Variants in DCHS2 observed in about 807,000 individuals in gnomAD.
DCHS2 encodes the protein protocadherin-23.
A neutral mutation model predicts 182.4 loss-of-function variants in DCHS2; 142 were observed. The ratio of observed to expected loss-of-function variants is 0.78; its 90% CI spans 0.68 to 0.89. The LOEUF (loss-of-function observed/expected upper bound fraction) is 0.89, where lower values mean the gene tolerates loss of function less well. DCHS2 is among the 40% of genes least tolerant of loss of function. The probability of loss-of-function intolerance (pLI) is 0.00; values close to 1 mark genes in which losing one functional copy is unlikely to be tolerated. For missense variants in DCHS2, 4,319 were observed against 4,198.6 expected (o/e 1.03, Z -0.79); for synonymous variants, 1,740 against 1,663.3 (o/e 1.05, Z -1.12).
Position 154,298,419 on chromosome 4 carries a change from A to C in DCHS2, c.5895T>G (p.Asn1965Lys), listed in dbSNP as rs1363777644. Reference protein sequence around the residue: ...LSAVDKDEGLNGQTEYFLTDE... With the variant: ...LSAVDKDEGLKGQTEYFLTDE... ...CAGTCAGAAAATACTCAGTTTGCCC[A>C]TTCAGGCCTTCATCCTTGTCCACAG... The change falls in exon 13 of 20, where the codon AAT becomes AAG. Residue 1965 changes from asparagine to lysine, a missense_variant. Physicochemically the swap from Asn to Lys is moderately conservative, Grantham distance 94 (BLOSUM62 0). Coordinates refer to ENST00000357232, the MANE Select transcript of DCHS2 (RefSeq NM_001358235.2). 6.2e-7 allele frequency: 1 copy of C among 1,614,168 alleles called. No homozygotes were observed. The highest frequency in any genetic ancestry group is 2.2e-5 in the East Asian group (1 of 44,884).
In DCHS2 at chr4:154,383,265, C is replaced by T. The variant is rs1378267680; in HGVS notation, c.2053-5821G>A. Among the ~76,000 whole-genome samples, 3 of 152,220 alleles carry T rather than the reference C, an allele frequency of 2.0e-5. No individual in the cohort carries two copies. The East Asian group carries it at 5.8e-4, about 29-fold the overall frequency. On this transcript the variant is annotated intron_variant, in intron 1 of 19. Transcript: ENST00000357232. ...AAAACCAAATACTGCAGTTCTCACT[C>T]ATAAGTGGGAGTTATGGGTATAAAG...
At position 154,246,979 on chromosome 4, in the gene DCHS2, A is replaced by G. The variant is rs1288293706; in HGVS notation, c.6942-4207T>C. Among the ~76,000 whole-genome samples the G allele has an allele frequency of 3.9e-5, 6 of 152,306 alleles. No homozygotes were observed. In the East Asian group the frequency reaches 1.2e-3, roughly 29 times the overall value. On this transcript the variant is annotated intron_variant, in intron 16 of 19. Transcript: ENST00000357232. ...AAAACAACAAAACAAAACTAAAAAA[A>G]GGGGAGGAAATTTTCAATGAATTTT...
intron 13 of DCHS2, among the ~76,000 whole-genome samples, chr4:154,272,562 A>C (rs948659910): frequency 6.6e-6 from 1 of 152,032 alleles, no homozygotes; most frequent in South Asian, 2.1e-4. Flanking sequence ...TGGTTTTATA[A>C]GGCAGTTTTC....
intron 10 of DCHS2, among the ~76,000 whole-genome samples, chr4:154,307,147 T>C (rs1156363110): frequency 6.6e-6 from 1 of 152,194 alleles, no homozygotes; most frequent in African/African-American, 2.4e-5. Flanking sequence ...ATGGCTTATT[T>C]GGAATTTAAC....
At chr4:154,278,041 ACACAC>A (rs373540171) in intron 13 of DCHS2, among the ~76,000 whole-genome samples, 5 of 135,730 alleles carry the variant, frequency 3.7e-5, no homozygotes, top group African/African-American at 8.2e-5. Flanking sequence ...ACTCCATCAC[ACACAC>A]AAAAAAAAAG....
rs1731487111 is a variant in DCHS2 at position 154,236,168 on chromosome 4, G to T, written c.8484C>A (p.Asp2828Glu). The change falls in exon 20 of 20, where the codon GAC becomes GAA. Residue 2828 changes from aspartate to glutamate, a missense_variant. By Grantham distance (45) the Asp-to-Glu change is conservative. Transcript: ENST00000357232. Reference protein sequence around the residue: ...MSYDHDLFLIDPLTGDIHAKQ... With the variant: ...MSYDHDLFLIEPLTGDIHAKQ... ...TAGCATGAATATCCCCTGTCAAAGGGTCAATGAGGAAGAGATCATGATCAT... is the reference window on the plus strand; with the variant it reads ...TAGCATGAATATCCCCTGTCAAAGGTTCAATGAGGAAGAGATCATGATCAT... The T allele has an allele frequency of 5.0e-6, 8 of 1,613,806 alleles. No homozygotes were observed. The highest frequency in any genetic ancestry group is 6.8e-6 in the Non-Finnish European group (8 of 1,179,940).
rs371882687 is a variant in DCHS2, at chr4:154,424,624, C to T, written c.2053-47180G>A. Among the ~76,000 whole-genome samples, 12 of 152,284 alleles carry T rather than the reference C, an allele frequency of 7.9e-5. No homozygotes were observed. The East Asian group carries it at 2.3e-3, about 29-fold the overall frequency. On this transcript the variant is annotated intron_variant, in intron 1 of 19. Coordinates refer to ENST00000357232, the MANE Select transcript of DCHS2 (RefSeq NM_001358235.2). ...GATTTTAGAATAAACAGCACAAAGG[C>T]ACACTGTGAAGAAGTAAATGAACAC...
intron 1 of DCHS2, among the ~76,000 whole-genome samples, chr4:154,410,878 A>G (rs150256678): frequency 6.6e-6 from 1 of 152,328 alleles, no homozygotes; most frequent in African/African-American, 2.4e-5. Flanking sequence ...GCAGCAAGAG[A>G]AGTGTCAAGT....
chr4:154,345,038 C>T (rs915786586), intron 3 of DCHS2, among the ~76,000 whole-genome samples: 9 of 152,184 alleles, frequency 5.9e-5, no homozygotes, highest in Non-Finnish European at 1.0e-4. Context: ...CCCCTTCTCT[C>T]CTCCTCCTGT....
At chr4:154,415,879 A>G (rs1281382188) in intron 1 of DCHS2, among the ~76,000 whole-genome samples, 3 of 152,154 alleles carry the variant, frequency 2.0e-5, no homozygotes, top group African/African-American at 7.2e-5. Context: ...CACTTAAATA[A>G]GTTTTTTACC....
At chr4:154,464,218 C>T (rs1300282137) in intron 1 of DCHS2, among the ~76,000 whole-genome samples, 1 of 152,104 alleles carries the variant, frequency 6.6e-6, no homozygotes, top group African/African-American at 2.4e-5. Flanking sequence ...CATACTGAAA[C>T]ATATCACCAA....
intron 12 of DCHS2, among the ~76,000 whole-genome samples, chr4:154,299,201 T>A (rs189181002): frequency 6.6e-6 from 1 of 152,368 alleles, no homozygotes; most frequent in East Asian, 1.9e-4. Context: ...ATGCCTGTTA[T>A]ACTATTGCAG....
At chr4:154,484,441 C>T (rs780483070) in intron 1 of DCHS2, among the ~76,000 whole-genome samples, 32 of 152,312 alleles carry the variant, frequency 2.1e-4, no homozygotes, top group Admixed American at 3.9e-4. Flanking sequence ...TGCGCAAACA[C>T]TGATATCTCC....
intron 1 of DCHS2, among the ~76,000 whole-genome samples, chr4:154,404,846 T>A (rs1305896202): frequency 1.3e-5 from 2 of 152,258 alleles, no homozygotes; most frequent in African/African-American, 4.8e-5. Flanking sequence ...AGCTTTATCA[T>A]GCTTATTGTC....
chr4:154,362,519 G>C (rs1436221991), intron 3 of DCHS2, among the ~76,000 whole-genome samples: 2 of 152,294 alleles, frequency 1.3e-5, no homozygotes, highest in East Asian at 1.9e-4. Context: ...TCGGCCATAT[G>C]ATGGGAGCAA....
At chr4:154,408,959 T>C (rs893326523) in intron 1 of DCHS2, among the ~76,000 whole-genome samples, 1 of 152,124 alleles carries the variant, frequency 6.6e-6, no homozygotes, top group African/African-American at 2.4e-5. Flanking sequence ...AGATGATGCC[T>C]TGGATGCCCA....
In DCHS2 at chr4:154,491,505, A is replaced by G; in HGVS notation, c.-150T>C. On this transcript the variant is annotated 5_prime_UTR_variant, in exon 1 of 20. It removes the in-frame stop codon of an upstream open reading frame in the 5' UTR. Transcript: ENST00000357232. Reference sequence around the variant, plus strand: ...CGACGGCCCAGGAATTCCCGAGGTTACATCTGCAACTGGTGAAAGCGTCCT... The same window carrying G: ...CGACGGCCCAGGAATTCCCGAGGTTGCATCTGCAACTGGTGAAAGCGTCCT... 7.1e-7 allele frequency: 1 copy of G among 1,401,614 alleles called. No individual in the cohort carries two copies. The highest frequency in any genetic ancestry group is 9.2e-7 in the Non-Finnish European group (1 of 1,084,012). The allele number at this position is 1,401,614 out of a possible 1,614,324, so 86.8% of individuals were successfully genotyped here.
rs199973891 is a variant in DCHS2 at position 154,320,875 on chromosome 4, T to C, written c.4524A>G (p.Pro1508=). The change falls in exon 9 of 20, where the codon CCA becomes CCG. Residue 1508 remains proline (P), a synonymous_variant. Coordinates refer to ENST00000357232, the MANE Select transcript of DCHS2 (RefSeq NM_001358235.2). ...TCACAATGAGCTCATCCTGGAAAGA[T>C]GGGGAATGGTCATTCTGATCTTCCA... The part of the protein sequence containing the change: ...IDVEDQNDHS[P]SFQDELIVIS... 2.5e-6 allele frequency: 4 copies of C among 1,614,094 alleles called. No individual in the cohort carries two copies. In the African/African-American group the frequency reaches 4.0e-5, roughly 16 times the overall value.
In DCHS2 at chr4:154,388,244, G is replaced by A. The variant is rs973171764; in HGVS notation, c.2053-10800C>T. ...AATAAATTAAAATTCATTCATAAGA[G>A]AGAATTCAATGTAGGCATGAAAATT... On this transcript the variant is annotated intron_variant, in intron 1 of 19. Coordinates refer to ENST00000357232, the MANE Select transcript of DCHS2 (RefSeq NM_001358235.2). Among the ~76,000 whole-genome samples, 3 of 151,950 alleles carry A rather than the reference G, an allele frequency of 2.0e-5. No individual in the cohort carries two copies. In the East Asian group the frequency reaches 5.8e-4, roughly 29 times the overall value.
Sources: gnomAD v4.1 joint callset for allele counts (sites outside exome capture counted in the v4.1 genomes callset) on GRCh38, gnomAD v4.1.1 for gene constraint, MANE v1.5 for transcripts, NCBI Gene and HGNC (gene_info 2026-07-23, HGNC 2026-07-21) for gene names.